Variants in CLCN7 observed in about 807,000 individuals in gnomAD.
CLCN7 encodes H(+)/Cl(-) exchange transporter 7.
CLCN7 carries 60 observed loss-of-function variants against 102.1 expected under a neutral mutation model. The observed-to-expected ratio is 0.59, with a 90% CI of 0.48 to 0.73. The LOEUF is 0.73. Ranked by LOEUF, CLCN7 falls within the 30% of genes least tolerant of loss-of-function variation. CLCN7 has a pLI of 0.00. For synonymous variants in CLCN7, 560 were observed against 490.5 expected (o/e 1.14, Z -1.87); for missense variants, 962 against 1,125.7 (o/e 0.85, Z 2.08).
Position 1,445,871 on chromosome 16 carries a change from G to T in CLCN7, c.*760C>A. 5.2e-6 allele frequency: 1 copy of T among 193,350 alleles called. No individual in the cohort carries two copies. The highest frequency in any genetic ancestry group is 1.1e-5 in the Non-Finnish European group (1 of 94,808). 12.0% of individuals were successfully genotyped at this position (193,350 alleles called of 1,614,324 possible). On this transcript the variant is annotated 3_prime_UTR_variant, in exon 25 of 25. Transcript: ENST00000382745. ...CAGGGACCAAGGCAGGGCTGGGTGT[G>T]GGGCCCAGACTCCAAGCTCTGGGGG...
In CLCN7 at chr16:1,444,980, T is replaced by C. The variant is rs560362445; in HGVS notation, c.*1651A>G. Reference sequence around the variant, plus strand: ...TATTTAACCGAATATATCCAAAATATGATCACTTCCAGGTCCTCAGTACAC... The same window carrying C: ...TATTTAACCGAATATATCCAAAATACGATCACTTCCAGGTCCTCAGTACAC... On this transcript the variant is annotated 3_prime_UTR_variant, in exon 25 of 25. Transcript: ENST00000382745. The C allele has an allele frequency of 2.0e-5, 3 of 152,632 alleles. No individual in the cohort carries two copies. The highest frequency in any genetic ancestry group is 1.9e-4 in the East Asian group (1 of 5,184). 9.5% of individuals were successfully genotyped at this position (152,632 alleles called of 1,614,324 possible).
intron 2 of CLCN7, among the ~76,000 whole-genome samples, chr16:1,463,055 C>G (rs964169958): frequency 1.3e-5 from 2 of 152,020 alleles, no homozygotes; most frequent in South Asian, 2.1e-4. Context: ...GGGAGACAGA[C>G]AGGAGGCAGA....
At chr16:1,464,912 C>A (rs896603913) in intron 2 of CLCN7, among the ~76,000 whole-genome samples, 9 of 152,200 alleles carry the variant, frequency 5.9e-5, no homozygotes, top group Admixed American at 5.9e-4. Context: ...TAAACCCCTG[C>A]CCTCTGAAGT....
chr16:1,470,340 T>A (rs546757528), intron 1 of CLCN7, among the ~76,000 whole-genome samples: 1 of 152,286 alleles, frequency 6.6e-6, no homozygotes, highest in East Asian at 1.9e-4. Flanking sequence ...CACAGTTTTT[T>A]TTAAAACTTA....
chr16:1,454,035 C>T lies in CLCN7; in HGVS notation c.1154-141G>A, dbSNP rs567245386. 91 of 783,660 alleles carry T rather than the reference C, an allele frequency of 1.2e-4. No individual in the cohort carries two copies. The Middle Eastern group carries it at 1.2e-3, about 10-fold the overall frequency. 48.5% of individuals were successfully genotyped at this position (783,660 alleles called of 1,614,324 possible). A position where few individuals can be genotyped will look rare whatever the true frequency, so the allele number is the denominator to read the frequency against. ...GGGGCTAGGGGGTCCTGGTAAGATG[C>T]TTCCTCCACATCATCACACCCTGAG... On this transcript the variant is annotated intron_variant, in intron 13 of 24. Coordinates refer to ENST00000382745, the MANE Select transcript of CLCN7 (RefSeq NM_001287.6).
intron 9 of CLCN7, among the ~76,000 whole-genome samples, chr16:1,456,542 C>T (rs8055287): frequency 0.47 from 71,777 of 152,128 alleles, 17,406 homozygotes; most frequent in East Asian, 0.76. Flanking sequence ...CGCTGCCTGC[C>T]TCTAAATTCA....
chr16:1,465,030 C>A (rs2038985861), intron 2 of CLCN7, among the ~76,000 whole-genome samples: 1 of 152,168 alleles, frequency 6.6e-6, no homozygotes. Context: ...GCTGCCCATG[C>A]TGTCACTGCT....
At chr16:1,448,188 G>A (rs539741237) in intron 21 of CLCN7, 167 bp downstream of exon 21, 361 of 948,118 alleles carry the variant, frequency 3.8e-4, no homozygotes, top group Middle Eastern at 2.8e-3. Context: ...CAGCCTCAGC[G>A]TCCACACAGC....
chr16:1,449,001 T>C lies in CLCN7; in HGVS notation c.1762A>G (p.Met588Val), dbSNP rs1227027091. 1.2e-6 allele frequency: 2 copies of C among 1,612,660 alleles called. No homozygotes were observed. The highest frequency in any genetic ancestry group is 2.2e-5 in the East Asian group (1 of 44,878). The change falls in exon 19 of 25, where the codon ATG (methionine) becomes GTG (valine). Residue 588 changes from methionine (M) to valine (V), a missense_variant. By Grantham distance (21) the Met-to-Val change is conservative. Transcript: ENST00000382745. The stretch of plus-strand genomic sequence containing the variant: ...ACGTCGCCCACGATCTTGGCGGTCA[T>C]GAGCACCAGCATGATGGGGAAGCCG... The part of the protein sequence containing the change: ...TYGFPIMLVL[M>V]TAKIVGDVFI...
chr16:1,459,257 G>A, intron 6 of CLCN7, 70 bp from the exon 7 acceptor site: 3 of 1,375,270 alleles, frequency 2.2e-6, no homozygotes, highest in Non-Finnish European at 3.1e-6. Flanking sequence ...TCAGCCCCAG[G>A]AGCCCCAGGA....
intron 2 of CLCN7, among the ~76,000 whole-genome samples, chr16:1,461,999 C>G (rs181458927): frequency 6.6e-6 from 1 of 151,680 alleles, no homozygotes; most frequent in East Asian, 1.9e-4. Flanking sequence ...GCAGGAGAAT[C>G]GCTTGAACCC....
chr16:1,461,341 CCCAGGCCCGGCCGGCA>C lies in CLCN7; in HGVS notation c.351+48_351+63del, dbSNP rs1311903501. 1.5e-5 allele frequency: 21 copies of C among 1,425,226 alleles called. No individual in the cohort carries two copies. In the Admixed American group the frequency reaches 3.3e-4, roughly 23 times the overall value. 88.3% of individuals were successfully genotyped at this position (1,425,226 alleles called of 1,614,324 possible). The stretch of plus-strand genomic sequence containing the variant: ...CACCTCACCCCGGCAGAAGAGCAGC[CCCAGGCCCGGCCGGCA>C]CCAGGCCCCGCACCGTGGGGCCCTG... On this transcript the variant is annotated intron_variant, in intron 4 of 24. Transcript: ENST00000382745.
At position 1,447,428 on chromosome 16, in the gene CLCN7, G is replaced by A. The variant is rs531105528; in HGVS notation, c.2214C>T (p.Ser738=). The A allele has an allele frequency of 3.8e-5, 59 of 1,551,760 alleles. 1 individual carries two copies. Among genetic ancestry groups the A allele is most frequent in the Admixed American group, 1.8e-4 (9 of 51,296 alleles). ...QDERECTMDL[S]EFMNPSPYTV... is the part of the protein sequence containing the mutation. ...TGTAGGGGGAGGGGTTCATGAACTC[G>A]GAGAGGTCCATGGTGCACTCCCGCT... Residue 738 remains serine (S), a synonymous_variant, in exon 23 of 25, where the codon TCC becomes TCT. Transcript: ENST00000382745.
chr16:1,446,231 A>G lies in CLCN7; in HGVS notation c.*400T>C. The stretch of plus-strand genomic sequence containing the variant: ...GGAGGCAGAGGGGCCCTTCCAGGGC[A>G]GGGCAGCCCTCGGGGCAGCAGCAGG... On this transcript the variant is annotated 3_prime_UTR_variant, in exon 25 of 25. Coordinates refer to ENST00000382745, the MANE Select transcript of CLCN7 (RefSeq NM_001287.6). 1 of 649,032 alleles carries G rather than the reference A, an allele frequency of 1.5e-6. No individual in the cohort carries two copies. Among genetic ancestry groups the G allele is most frequent in the South Asian group, 1.7e-5 (1 of 57,824 alleles). 40.2% of individuals were successfully genotyped at this position (649,032 alleles called of 1,614,324 possible). A position where few individuals can be genotyped will look rare whatever the true frequency, so the allele number is the denominator to read the frequency against.
At chr16:1,470,608 T>C (rs983381045) in intron 1 of CLCN7, among the ~76,000 whole-genome samples, 2 of 152,110 alleles carry the variant, frequency 1.3e-5, no homozygotes, top group Non-Finnish European at 2.9e-5. Context: ...TGAACAGCAA[T>C]GCTGGAGGGC....
intron 1 of CLCN7, chr16:1,472,425 T>A (rs575656481): frequency 1.3e-5 from 2 of 152,136 alleles, no homozygotes; most frequent in African/African-American, 4.8e-5. Context: ...GACATGGGGT[T>A]TCACCATGTT....
chr16:1,472,953 A>ATTT (rs2142407429), intron 1 of CLCN7, among the ~76,000 whole-genome samples: 1 of 145,012 alleles, frequency 6.9e-6, no homozygotes, highest in East Asian at 2.0e-4. Flanking sequence ...TTTTTTTTTG[A>ATTT]GACAGGGTTT....
At chr16:1,450,014 T>C (rs2038719214) in intron 17 of CLCN7, 1 of 178,220 alleles carries the variant, frequency 5.6e-6, no homozygotes, top group Admixed American at 5.5e-5. Context: ...TTCAGTCTTA[T>C]TTAAGCGACT....
rs184181550 is a variant in CLCN7, at chr16:1,469,299, C to G, written c.142-3961G>C. On this transcript the variant is annotated intron_variant, in intron 1 of 24. Transcript: ENST00000382745. ...TAAAACTTCTACACATCAAAGAAAA[C>G]AACAGAGCAAAAGGTAACCTATGAA... 1.7e-4 allele frequency among the ~76,000 whole-genome samples: 26 copies of G among 152,188 alleles called. No individual in the cohort carries two copies. In the Middle Eastern group the frequency reaches 0.01, roughly 60 times the overall value.
Sources: gnomAD v4.1 joint callset for allele counts (sites outside exome capture counted in the v4.1 genomes callset) on GRCh38, gnomAD v4.1.1 for gene constraint, MANE v1.5 for transcripts, NCBI Gene and HGNC (gene_info 2026-07-23, HGNC 2026-07-21) for gene names.